The following SLC8A3 variants were observed in gnomAD, a reference collection of about 807,000 sequenced individuals.
SLC8A3 encodes solute carrier family 8 member A3, also known as sodium/calcium exchanger 3.
In SLC8A3, 37 loss-of-function variants were observed where a neutral mutation model predicts 65.4. The observed-to-expected ratio is 0.57, with a 90% confidence interval of 0.44 to 0.74. SLC8A3 has a LOEUF of 0.74. Among genes scored for constraint, SLC8A3 ranks in the 30% least tolerant of loss-of-function variants. The pLI, the probability that SLC8A3 is intolerant of heterozygous loss-of-function variation, is 0.00. For missense variants in SLC8A3, 1,112 were observed against 1,172.1 expected (o/e 0.95, Z 0.75); for synonymous variants, 461 against 444.5 (o/e 1.04, Z -0.47).
intron 2 of SLC8A3, among the ~76,000 whole-genome samples, chr14:70,145,860 T>C (rs542392565): frequency 7.2e-5 from 11 of 151,906 alleles, no homozygotes; most frequent in South Asian, 2.1e-4. Flanking sequence ...GGAGGGATGA[T>C]TGCAATGGCA....
In SLC8A3 at chr14:70,167,077, G is replaced by T. The variant is rs1414307466; in HGVS notation, c.1346C>A (p.Thr449Lys). ...SANAGADYEF[T>K]EGTVVLKPGE... ...TGGCTTCAGAACCACCGTGCCCTCT[G>T]TGAACTCATAGTCAGCCCCTGCATT... is the stretch of plus-strand genomic sequence containing the variant. Residue 449 changes from threonine to lysine, a missense_variant, in exon 2 of 7, where the codon ACA becomes AAA. Thr to Lys is a moderately conservative substitution (Grantham distance 78). Transcript: ENST00000356921. 1 of 1,613,912 alleles carries T rather than the reference G, an allele frequency of 6.2e-7. No individual in the cohort carries two copies. The highest frequency in any genetic ancestry group is 8.5e-7 in the Non-Finnish European group (1 of 1,180,028).
At chr14:70,064,323 C>T (rs1237608076) in intron 2 of SLC8A3, among the ~76,000 whole-genome samples, 4 of 152,172 alleles carry the variant, frequency 2.6e-5, no homozygotes, top group East Asian at 1.9e-4. Context: ...CATAAAGGCT[C>T]GGCCACTAAG....
chr14:70,114,184 T>A (rs1174502704), intron 2 of SLC8A3, among the ~76,000 whole-genome samples: 4 of 152,286 alleles, frequency 2.6e-5, no homozygotes, highest in African/African-American at 9.6e-5. Context: ...AGGAAGAGCC[T>A]CACCCTCTGC....
intron 1 of SLC8A3, among the ~76,000 whole-genome samples, chr14:70,170,402 A>G (rs569939586): frequency 6.6e-6 from 1 of 152,074 alleles, no homozygotes; most frequent in Non-Finnish European, 1.5e-5. Flanking sequence ...TGCACTCCCC[A>G]CTCTTAATAA....
intron 1 of SLC8A3, among the ~76,000 whole-genome samples, chr14:70,172,202 G>A (rs547861610): frequency 2.0e-4 from 31 of 152,160 alleles, no homozygotes; most frequent in Middle Eastern, 3.4e-3. Flanking sequence ...ACAGTAATTC[G>A]CATCTACAAG....
Position 70,134,446 on chromosome 14 carries a change from G to T in SLC8A3, c.1784+32193C>A, listed in dbSNP as rs1895057940. The stretch of plus-strand genomic sequence containing the variant: ...CAGTCCCTAACCTGATCCTCTCCAG[G>T]TTTGTCCGAACAAGGTAAATGGCAC... On this transcript the variant is annotated intron_variant, in intron 2 of 6. Transcript: ENST00000356921. Among the ~76,000 whole-genome samples, 3 of 152,018 alleles carry T rather than the reference G, an allele frequency of 2.0e-5. No homozygotes were observed. In the South Asian group the frequency reaches 6.2e-4, roughly 32 times the overall value.
chr14:70,127,364 G>C (rs72731811), intron 2 of SLC8A3, among the ~76,000 whole-genome samples: 2 of 151,800 alleles, frequency 1.3e-5, no homozygotes, highest in African/African-American at 4.8e-5. Flanking sequence ...TTTTGACCCC[G>C]CCCAGGTAGA....
At chr14:70,060,723 GA>G in intron 3 of SLC8A3, 112 bp downstream of exon 3, 1 of 774,598 alleles carries the variant, frequency 1.3e-6, no homozygotes. Flanking sequence ...GAGAAGGGAA[GA>G]AAAGGAGGGA....
At chr14:70,075,715 C>G (rs914390831) in intron 2 of SLC8A3, among the ~76,000 whole-genome samples, 1 of 152,176 alleles carries the variant, frequency 6.6e-6, no homozygotes, top group Non-Finnish European at 1.5e-5. Context: ...CTCTCCTCAG[C>G]AGGAGTGCTT....
At chr14:70,106,014 T>C (rs1306660016) in intron 2 of SLC8A3, among the ~76,000 whole-genome samples, 3 of 152,064 alleles carry the variant, frequency 2.0e-5, no homozygotes, top group Non-Finnish European at 2.9e-5. Context: ...AACAGATACA[T>C]AAAGGAATGA....
intron 2 of SLC8A3, among the ~76,000 whole-genome samples, chr14:70,132,045 C>A (rs61977456): frequency 0.11 from 16,201 of 152,292 alleles, 1,162 homozygotes; most frequent in Non-Finnish European, 0.16. Context: ...TGCAGACCAG[C>A]ATGGCTGACT....
At chr14:70,060,211 A>T (rs1286199448) in intron 3 of SLC8A3, 1 of 165,528 alleles carries the variant, frequency 6.0e-6, no homozygotes, top group Admixed American at 5.9e-5. Flanking sequence ...AGAGGGGCCT[A>T]TGGGCCACTC....
chr14:70,178,702 G>T (rs1351556863), intron 1 of SLC8A3, among the ~76,000 whole-genome samples: 2 of 152,190 alleles, frequency 1.3e-5, no homozygotes, highest in Non-Finnish European at 2.9e-5. Flanking sequence ...ACAGTTGTAG[G>T]TTCTTTGAAG....
intron 2 of SLC8A3, among the ~76,000 whole-genome samples, chr14:70,064,838 TTTC>T (rs1273787658): frequency 2.6e-5 from 4 of 152,252 alleles, no homozygotes; most frequent in African/African-American, 9.6e-5. Context: ...CTGTTCTGCA[TTTC>T]TTCTTCTTTT....
rs1293816247 is a variant in SLC8A3 at position 70,166,942 on chromosome 14, G to C, written c.1481C>G (p.Pro494Arg). 6.2e-7 allele frequency: 1 copy of C among 1,614,152 alleles called. No homozygotes were observed. Among genetic ancestry groups the C allele is most frequent in the South Asian group, 1.1e-5 (1 of 91,080 alleles). ...LSNVRIEEEQPEEGMPPAIFN... is the reference protein window; with the variant it reads ...LSNVRIEEEQREEGMPPAIFN... ...TATTGCTGGAGGCATCCCCTCCTCTGGCTGCTCCTCCTCTATGCGGACATT... is the reference window on the plus strand; with the variant it reads ...TATTGCTGGAGGCATCCCCTCCTCTCGCTGCTCCTCCTCTATGCGGACATT... The change falls in exon 2 of 7, where the codon CCA (proline) becomes CGA (arginine). Residue 494 changes from proline (P) to arginine (R), a missense_variant. Physicochemically the swap from Pro to Arg is moderately radical, Grantham distance 103 (BLOSUM62 -2). Coordinates refer to ENST00000356921, the MANE Select transcript of SLC8A3 (RefSeq NM_182932.3).
At chr14:70,057,268 A>C (rs74247324) in intron 3 of SLC8A3, among the ~76,000 whole-genome samples, 3,212 of 150,754 alleles carry the variant, frequency 0.021, 48 homozygotes, top group East Asian at 0.043. Flanking sequence ...CTACATTGAG[A>C]TAGATAGATA....
chr14:70,059,889 C>A (rs552332501), intron 3 of SLC8A3, among the ~76,000 whole-genome samples: 1 of 152,160 alleles, frequency 6.6e-6, no homozygotes, highest in Non-Finnish European at 1.5e-5. Flanking sequence ...CCCCTGGCTA[C>A]GGGAATTTTC....
Position 70,048,753 on chromosome 14 carries a change from C to T in SLC8A3, c.2389+14G>A, listed in dbSNP as rs1887085818. The T allele has an allele frequency of 1.2e-6, 2 of 1,611,722 alleles. No homozygotes were observed. Among genetic ancestry groups the T allele is most frequent in the African/African-American group, 2.7e-5 (2 of 74,896 alleles). On this transcript the variant is annotated intron_variant, in intron 6 of 6. Coordinates refer to ENST00000356921, the MANE Select transcript of SLC8A3 (RefSeq NM_182932.3). ...AAAATCCTCTTTGCAAATTCAAGCA[C>T]CTCTCACTCTCACCTGGGACAGAGG...
At chr14:70,183,436 C>A (rs1233338538) in intron 1 of SLC8A3, among the ~76,000 whole-genome samples, 1 of 152,212 alleles carries the variant, frequency 6.6e-6, no homozygotes, top group Non-Finnish European at 1.5e-5. Context: ...CCCTTCCAGG[C>A]TCCTTCTTCA....
Sources: gnomAD v4.1 joint callset for allele counts (sites outside exome capture counted in the v4.1 genomes callset) on GRCh38, gnomAD v4.1.1 for gene constraint, MANE v1.5 for transcripts, NCBI Gene and HGNC (gene_info 2026-07-23, HGNC 2026-07-21) for gene names.